PKNOX2: variants seen among roughly 807,000 people sequenced by gnomAD.
PKNOX2 encodes PBX/knotted 1 homeobox 2.
In PKNOX2, 14 loss-of-function variants were observed where a neutral mutation model predicts 53.1. The ratio of observed to expected loss-of-function variants is 0.26; its 90% confidence interval spans 0.17 to 0.41. The LOEUF is 0.41. Ranked by LOEUF, PKNOX2 falls within the 10% of genes least tolerant of loss-of-function variation. The probability of loss-of-function intolerance (pLI) is 1.00; values close to 1 mark genes in which losing one functional copy is unlikely to be tolerated. For synonymous variants in PKNOX2, 257 were observed against 242.8 expected, an observed-to-expected ratio of 1.06 and a Z score of -0.54; for missense variants, 496 against 602.8, an observed-to-expected ratio of 0.82 and a Z score of 1.85.
chr11:125,330,575 C>T (rs1420162306), intron 2 of PKNOX2, among the ~76,000 whole-genome samples: 3 of 152,070 alleles, frequency 2.0e-5, no homozygotes, highest in Non-Finnish European at 2.9e-5. Flanking sequence ...TCCTTCAGCT[C>T]ATCCCACCTC....
At chr11:125,217,657 T>C (rs1189252401) in intron 1 of PKNOX2, among the ~76,000 whole-genome samples, 1 of 152,182 alleles carries the variant, frequency 6.6e-6, no homozygotes, top group Non-Finnish European at 1.5e-5. Flanking sequence ...ATACTGCTGT[T>C]TGAGCTGGAA....
At chr11:125,295,198 T>G (rs1211359345) in intron 2 of PKNOX2, among the ~76,000 whole-genome samples, 1 of 151,662 alleles carries the variant, frequency 6.6e-6, no homozygotes, top group Non-Finnish European at 1.5e-5. Context: ...GGAAACAGAG[T>G]GCTAGGACAA....
At chr11:125,350,772 C>G (rs1951257319) in intron 3 of PKNOX2, among the ~76,000 whole-genome samples, 1 of 152,148 alleles carries the variant, frequency 6.6e-6, no homozygotes. Context: ...TGGGGAGGGG[C>G]GAGCTTGGTG....
At chr11:125,281,834 G>A (rs759575376) in intron 2 of PKNOX2, among the ~76,000 whole-genome samples, 11 of 152,124 alleles carry the variant, frequency 7.2e-5, no homozygotes, top group East Asian at 3.8e-4. Context: ...CAAATCTACC[G>A]TTATCCAGGG....
chr11:125,217,877 A>T (rs1262891544), intron 1 of PKNOX2, among the ~76,000 whole-genome samples: 1 of 152,206 alleles, frequency 6.6e-6, no homozygotes, highest in Non-Finnish European at 1.5e-5. Context: ...CAGTGAGGTT[A>T]AGTAATTTGT....
At chr11:125,401,480 G>A (rs189949578) in intron 7 of PKNOX2, among the ~76,000 whole-genome samples, 1 of 152,174 alleles carries the variant, frequency 6.6e-6, no homozygotes, top group African/African-American at 2.4e-5. Flanking sequence ...GGCTTCAGGG[G>A]TAAATACGGT....
intron 2 of PKNOX2, among the ~76,000 whole-genome samples, chr11:125,316,938 G>T (rs1362509950): frequency 6.6e-6 from 1 of 152,204 alleles, no homozygotes; most frequent in Non-Finnish European, 1.5e-5. Flanking sequence ...ACCCACAGTA[G>T]AACTTTTTTC....
intron 1 of PKNOX2, among the ~76,000 whole-genome samples, chr11:125,232,212 T>A (rs892817456): frequency 4.6e-5 from 7 of 152,238 alleles, no homozygotes; most frequent in African/African-American, 1.7e-4. Flanking sequence ...TGTATTGCTT[T>A]AGTCACTAGA....
intron 2 of PKNOX2, among the ~76,000 whole-genome samples, chr11:125,241,877 A>C (rs1390660815): frequency 3.3e-5 from 5 of 152,062 alleles, no homozygotes; most frequent in Non-Finnish European, 5.9e-5. Context: ...AAACAAATGA[A>C]CAAAAAAAGA....
Position 125,336,739 on chromosome 11 carries a change from ATAC to A in PKNOX2, c.-23+4818_-23+4820del, listed in dbSNP as rs1255093568. Among the ~76,000 whole-genome samples the A allele has an allele frequency of 6.8e-5, 10 of 147,180 alleles. No homozygotes were observed. The East Asian group carries it at 2.0e-3, about 29-fold the overall frequency. On this transcript the variant is annotated intron_variant, in intron 3 of 12. Coordinates refer to ENST00000298282, the MANE Select transcript of PKNOX2 (RefSeq NM_001382323.2). ...CATTATATATCATACATAATACTGT[ATAC>A]TACATGATATATAATATATAATACT...
intron 1 of PKNOX2, among the ~76,000 whole-genome samples, chr11:125,231,215 C>G (rs148562109): frequency 1.3e-5 from 2 of 152,202 alleles, no homozygotes; most frequent in South Asian, 4.1e-4. Flanking sequence ...CTTTGCTAAA[C>G]CCCCAGCTAA....
In PKNOX2 at chr11:125,264,752, C is replaced by T. The variant is rs189115955; in HGVS notation, c.-130+29637C>T. Among the ~76,000 whole-genome samples, 446 of 151,508 alleles carry T rather than the reference C, an allele frequency of 2.9e-3. 10 individuals carry two copies. The highest frequency in any genetic ancestry group is 8.6e-3 in the African/African-American group (355 of 41,248). Reference sequence around the variant, plus strand: ...CACACATCACAGCTGCAGCCAGACACAATTTCTCTAAGCCCTGGGAACAGG... The same window carrying T: ...CACACATCACAGCTGCAGCCAGACATAATTTCTCTAAGCCCTGGGAACAGG... On this transcript the variant is annotated intron_variant, in intron 2 of 12. Transcript: ENST00000298282.
chr11:125,343,076 A>G (rs1591535250), intron 3 of PKNOX2, among the ~76,000 whole-genome samples: 1 of 151,256 alleles, frequency 6.6e-6, no homozygotes, highest in Admixed American at 6.6e-5. Context: ...GGCTCAGAGC[A>G]CCCCAGGGCA....
At chr11:125,197,835 G>A (rs566889678) in intron 1 of PKNOX2, among the ~76,000 whole-genome samples, 3 of 152,248 alleles carry the variant, frequency 2.0e-5, no homozygotes, top group East Asian at 1.9e-4. Context: ...GGGTCATCTC[G>A]GTATCTGCTC....
intron 2 of PKNOX2, among the ~76,000 whole-genome samples, chr11:125,241,957 C>T (rs188775884): frequency 1.3e-5 from 2 of 152,282 alleles, no homozygotes; most frequent in Admixed American, 1.3e-4. Context: ...TGGAGAGGTA[C>T]TCTCCAGTTA....
chr11:125,227,340 C>T (rs888339660), intron 1 of PKNOX2, among the ~76,000 whole-genome samples: 5 of 152,180 alleles, frequency 3.3e-5, no homozygotes, highest in Non-Finnish European at 1.5e-5. Context: ...TCTTGCAAAA[C>T]TGAAACTCCG....
chr11:125,418,769 A>T (rs1008522241), intron 10 of PKNOX2, among the ~76,000 whole-genome samples: 2 of 151,980 alleles, frequency 1.3e-5, no homozygotes, highest in African/African-American at 4.8e-5. Context: ...GATTGAAAAT[A>T]TATCTTTAAG....
intron 2 of PKNOX2, among the ~76,000 whole-genome samples, chr11:125,276,049 G>A (rs113310851): frequency 2.6e-5 from 4 of 152,176 alleles, no homozygotes; most frequent in African/African-American, 9.7e-5. Context: ...AAAAACCAGA[G>A]GAGCGAAGTA....
chr11:125,192,874 A>C (rs1424574219), intron 1 of PKNOX2, among the ~76,000 whole-genome samples: 1 of 152,202 alleles, frequency 6.6e-6, no homozygotes, highest in Non-Finnish European at 1.5e-5. Flanking sequence ...AGAAGCTGGC[A>C]GGGAAACCAG....
Sources: gnomAD v4.1 joint callset for allele counts (sites outside exome capture counted in the v4.1 genomes callset) on GRCh38, gnomAD v4.1.1 for gene constraint, MANE v1.5 for transcripts, NCBI Gene and HGNC (gene_info 2026-07-23, HGNC 2026-07-21) for gene names.